ATXN8OS: variants seen among roughly 807,000 people sequenced by gnomAD.
The protein encoded by ATXN8OS is ATXN8 opposite strand lncRNA.
intron 2 of ATXN8OS, among the ~76,000 whole-genome samples, chr13:70,123,393 A>G (rs897622641): frequency 1.3e-5 from 2 of 152,134 alleles, no homozygotes; most frequent in African/African-American, 4.8e-5. Flanking sequence ...ACTAGAGTGA[A>G]TATTGAGAGT....
chr13:70,134,286 A>G (rs1342285625), intron 3 of ATXN8OS, among the ~76,000 whole-genome samples: 3 of 152,232 alleles, frequency 2.0e-5, no homozygotes, highest in African/African-American at 7.2e-5. Context: ...TCTCTCTCCT[A>G]TGCACAGAAA....
At chr13:70,129,113 G>A (rs956938369) in intron 2 of ATXN8OS, among the ~76,000 whole-genome samples, 3 of 152,088 alleles carry the variant, frequency 2.0e-5, no homozygotes, top group African/African-American at 7.2e-5. Context: ...ACCTGCCTCG[G>A]CCTCCCAAAG....
intron 4 of ATXN8OS, among the ~76,000 whole-genome samples, chr13:70,156,884 T>C (rs1293480776): frequency 1.3e-5 from 2 of 152,120 alleles, no homozygotes; most frequent in East Asian, 3.9e-4. Flanking sequence ...CTTCCATCAG[T>C]AGTCATGGAA....
intron 3 of ATXN8OS, among the ~76,000 whole-genome samples, chr13:70,139,084 T>C (rs2137489831): frequency 6.6e-6 from 1 of 152,332 alleles, no homozygotes; most frequent in South Asian, 2.1e-4. Context: ...GTATGAGAAG[T>C]ACCTATCATA....
At chr13:70,154,811 A>G (rs1291635500) in intron 4 of ATXN8OS, among the ~76,000 whole-genome samples, 2 of 152,240 alleles carry the variant, frequency 1.3e-5, no homozygotes, top group African/African-American at 2.4e-5. Flanking sequence ...AGTACAACAA[A>G]GGTCATGAGA....
chr13:70,155,362 T>C (rs912520891), intron 4 of ATXN8OS, among the ~76,000 whole-genome samples: 3 of 152,182 alleles, frequency 2.0e-5, no homozygotes, highest in Admixed American at 2.0e-4. Flanking sequence ...CATAGATAGA[T>C]TGCCCAATTC....
chr13:70,159,862 GTTAAT>G (rs1347925292), intron 4 of ATXN8OS, among the ~76,000 whole-genome samples: 1 of 152,122 alleles, frequency 6.6e-6, no homozygotes, highest in Non-Finnish European at 1.5e-5. Context: ...TGCATGTATA[GTTAAT>G]TTATTCATTT....
intron 2 of ATXN8OS, among the ~76,000 whole-genome samples, chr13:70,117,647 T>C (rs1380907198): frequency 2.0e-5 from 3 of 152,086 alleles, no homozygotes; most frequent in African/African-American, 7.2e-5. Context: ...CCCAAACCCT[T>C]CTCTGCTGCT....
chr13:70,142,537 G>A (rs1285136986), intron 3 of ATXN8OS, among the ~76,000 whole-genome samples: 2 of 152,062 alleles, frequency 1.3e-5, no homozygotes, highest in African/African-American at 4.8e-5. Flanking sequence ...ATATGTGTTA[G>A]CCTGCAAGGT....
chr13:70,154,020 T>C (rs763378554), intron 4 of ATXN8OS, among the ~76,000 whole-genome samples: 1 of 152,100 alleles, frequency 6.6e-6, no homozygotes, highest in Non-Finnish European at 1.5e-5. Context: ...TCCCCCTACA[T>C]TCCTTCAATT....
intron 1 of ATXN8OS, chr13:70,108,208 C>A (rs1888125640): frequency 2.5e-6 from 1 of 394,876 alleles, no homozygotes; most frequent in African/African-American, 2.1e-5. Context: ...GAGAAAGAGC[C>A]CCAAGTCTCG....
chr13:70,116,949 C>T (rs996616526), intron 2 of ATXN8OS, among the ~76,000 whole-genome samples: 1 of 151,928 alleles, frequency 6.6e-6, no homozygotes, highest in Non-Finnish European at 1.5e-5. Flanking sequence ...AACTAATTTC[C>T]CTATTTTTTT....
At chr13:70,129,778 C>T in intron 2 of ATXN8OS, 1 of 398,346 alleles carries the variant, frequency 2.5e-6, no homozygotes, top group Non-Finnish European at 4.4e-6. Context: ...GCTTTAATTG[C>T]AATAGCTATG....
At chr13:70,133,459 A>G (rs1888563254) in intron 3 of ATXN8OS, among the ~76,000 whole-genome samples, 1 of 152,176 alleles carries the variant, frequency 6.6e-6, no homozygotes, top group African/African-American at 2.4e-5. Flanking sequence ...TTTAGTAATG[A>G]AAAGTTTCTA....
intron 4 of ATXN8OS, among the ~76,000 whole-genome samples, chr13:70,155,241 G>A (rs1251899264): frequency 6.6e-6 from 1 of 152,132 alleles, no homozygotes; most frequent in Non-Finnish European, 1.5e-5. Context: ...ATACAAACAT[G>A]TTCCTTGTGG....
intron 2 of ATXN8OS, among the ~76,000 whole-genome samples, chr13:70,129,547 G>A (rs1827550271): frequency 6.6e-6 from 1 of 152,216 alleles, no homozygotes; most frequent in South Asian, 2.1e-4. Flanking sequence ...ACAAGGTCAT[G>A]TAATGCAATA....
intron 4 of ATXN8OS, among the ~76,000 whole-genome samples, chr13:70,156,692 C>T (rs1481393513): frequency 6.6e-6 from 1 of 152,028 alleles, no homozygotes; most frequent in African/African-American, 2.4e-5. Flanking sequence ...ATAATGTTTT[C>T]TATGAGAAGC....
At chr13:70,139,379 T>A (rs1888666864) in intron 3 of ATXN8OS, 1 of 643,426 alleles carries the variant, frequency 1.6e-6, no homozygotes, top group South Asian at 1.9e-5. Flanking sequence ...CTACTACTAC[T>A]ACTACTGCTG....
intron 2 of ATXN8OS, among the ~76,000 whole-genome samples, chr13:70,122,355 A>G (rs1187153416): frequency 6.6e-6 from 1 of 151,996 alleles, no homozygotes; most frequent in African/African-American, 2.4e-5. Context: ...TTCTAACACT[A>G]AAGCATTAGT....
Sources: gnomAD v4.1 joint callset for allele counts (sites outside exome capture counted in the v4.1 genomes callset) on GRCh38, gnomAD v4.1.1 for gene constraint, MANE v1.5 for transcripts, NCBI Gene and HGNC (gene_info 2026-07-23, HGNC 2026-07-21) for gene names.